The following DNASE1 variants were observed in gnomAD, a reference collection of about 807,000 sequenced individuals.
DNASE1 encodes the protein deoxyribonuclease 1.
Under a neutral mutation model 33.9 loss-of-function variants are expected in DNASE1, and 40 were observed. That is an observed-to-expected ratio of 1.18 (90% confidence interval 0.92 to 1.54). The LOEUF (loss-of-function observed/expected upper bound fraction) is 1.54. Among genes scored for constraint, DNASE1 ranks in the 40% most tolerant of loss-of-function variants. The pLI, the probability that DNASE1 is intolerant of heterozygous loss-of-function variation, is 0.00. For missense variants in DNASE1, 518 were observed against 372.6 expected, an observed-to-expected ratio of 1.39 and a Z score of -3.21; for synonymous variants, 216 against 160.0, an observed-to-expected ratio of 1.35 and a Z score of -2.64.
At chr16:3,634,512 G>A (rs1003460607) in intron 1 of DNASE1, among the ~76,000 whole-genome samples, 1 of 152,068 alleles carries the variant, frequency 6.6e-6, no homozygotes, top group East Asian at 1.9e-4. Flanking sequence ...ACAGGCATGA[G>A]CCACTGTGCC....
At chr16:3,640,500 T>G (rs1208697182), upstream of DNASE1, among the ~76,000 whole-genome samples, 1 of 152,246 alleles carries the variant, frequency 6.6e-6, no homozygotes, top group African/African-American at 2.4e-5. Flanking sequence ...TCCCTTATCT[T>G]GGAATCACTG....
At chr16:3,661,721 G>A (rs563760477), downstream of DNASE1, 7 of 391,764 alleles carry the variant, frequency 1.8e-5, no homozygotes, top group South Asian at 7.4e-4. Flanking sequence ...GACACGCACA[G>A]GTGGCAAAGC....
chr16:3,655,268 C>A, intron 1 of DNASE1, 105 bp from the exon 2 acceptor site: 1 of 1,526,256 alleles, frequency 6.6e-7, no homozygotes, highest in Non-Finnish European at 8.9e-7. Flanking sequence ...TCCCCCTGAC[C>A]TTGAGCTCCA....
upstream of DNASE1, chr16:3,654,617 A>C (rs2042476243): frequency 1.0e-5 from 4 of 398,524 alleles, no homozygotes; most frequent in Non-Finnish European, 1.8e-5. Flanking sequence ...CCACACGTGC[A>C]AGGGACACGG....
intron 1 of DNASE1, among the ~76,000 whole-genome samples, chr16:3,631,559 C>G (rs951677431): frequency 6.6e-6 from 1 of 151,426 alleles, no homozygotes; most frequent in East Asian, 2.0e-4. Context: ...GAGTCTCGCT[C>G]TGTTGCCCAG....
At chr16:3,665,236 C>G (rs1337739873) in exon 10 of DNASE1, 3 of 152,230 alleles carry the variant, frequency 2.0e-5, no homozygotes, top group Admixed American at 2.0e-4. Context: ...AACCAGAACA[C>G]GGCCTCCTTG....
At chr16:3,654,128 A>C (rs935515514), upstream of DNASE1, 1 of 363,180 alleles carries the variant, frequency 2.8e-6, no homozygotes, top group Non-Finnish European at 4.9e-6. Context: ...ATAAAAACCC[A>C]AAACAAAAGA....
At chr16:3,622,770 A>C (rs1159064929) in intron 1 of DNASE1, among the ~76,000 whole-genome samples, 1 of 152,092 alleles carries the variant, frequency 6.6e-6, no homozygotes, top group Non-Finnish European at 1.5e-5. Flanking sequence ...ACTTTTAATA[A>C]AATTTTTTCC....
chr16:3,656,713 C>A lies in DNASE1; in HGVS notation c.396C>A (p.Asn132Lys). Residue 132 changes from asparagine to lysine, a missense_variant, in exon 5 of 9, where the codon AAC (asparagine) becomes AAA (lysine). Coordinates refer to ENST00000246949, the MANE Select transcript of DNASE1 (RefSeq NM_005223.4). Reference protein sequence around the residue: ...GCEPCGNDTFNREPAIVRFFS... With the variant: ...GCEPCGNDTFKREPAIVRFFS... ...AGCCCTGCGGGAACGACACCTTCAA[C>A]CGAGAGCCAGCCATTGTCAGGTTCT... 1 of 1,612,834 alleles carries A rather than the reference C, an allele frequency of 6.2e-7. No individual in the cohort carries two copies. The highest frequency in any genetic ancestry group is 2.2e-5 in the East Asian group (1 of 44,798).
chr16:3,661,977 G>A (rs536078728), downstream of DNASE1: 26 of 1,594,594 alleles, frequency 1.6e-5, no homozygotes, highest in South Asian at 8.9e-5. Flanking sequence ...AGCCAGGAGC[G>A]TGGCCTCACC....
At chr16:3,619,977 A>G (rs1236306019) in intron 1 of DNASE1, among the ~76,000 whole-genome samples, 5 of 145,272 alleles carry the variant, frequency 3.4e-5, no homozygotes, top group African/African-American at 1.3e-4. Context: ...GTGCAGTGGC[A>G]TAATCTCGCC....
upstream of DNASE1, among the ~76,000 whole-genome samples, chr16:3,639,891 G>A (rs955235025): frequency 6.6e-6 from 1 of 152,114 alleles, no homozygotes; most frequent in Non-Finnish European, 1.5e-5. Flanking sequence ...GTGAGACCCT[G>A]TCTCTGCAAA....
chr16:3,656,938 G>C (rs764532848), intron 5 of DNASE1, 61 bp from the exon 6 acceptor site: 2 of 1,588,174 alleles, frequency 1.3e-6, no homozygotes, highest in Admixed American at 3.6e-5. Context: ...AGTTCCAGCT[G>C]ACATGGTGAC....
Position 3,658,088 on chromosome 16 carries a change from G to A in DNASE1, c.*135G>A, listed in dbSNP as rs746683533. On this transcript the variant is annotated 3_prime_UTR_variant, in exon 9 of 9. Transcript: ENST00000246949. The stretch of plus-strand genomic sequence containing the variant: ...AGGTAAATAAAGCTCAAGGAGGTGG[G>A]GCTGTCATCTGTGGTGTCAGTCCTT... 4 of 1,610,522 alleles carry A rather than the reference G, an allele frequency of 2.5e-6. No homozygotes were observed. The highest frequency in any genetic ancestry group is 1.1e-5 in the South Asian group (1 of 90,876).
chr16:3,640,180 G>GT (rs1269449737), upstream of DNASE1, among the ~76,000 whole-genome samples: 2 of 152,216 alleles, frequency 1.3e-5, no homozygotes, highest in Non-Finnish European at 2.9e-5. Context: ...TCTGGGGATT[G>GT]TTTTGTTTGC....
chr16:3,628,058 A>G (rs997943179), intron 1 of DNASE1, among the ~76,000 whole-genome samples: 9 of 151,942 alleles, frequency 5.9e-5, no homozygotes, highest in African/African-American at 2.2e-4. Context: ...TCTTAACAAT[A>G]TCGTCCAACC....
At chr16:3,623,129 T>C (rs973479872) in intron 1 of DNASE1, among the ~76,000 whole-genome samples, 1 of 152,186 alleles carries the variant, frequency 6.6e-6, no homozygotes, top group Non-Finnish European at 1.5e-5. Context: ...GCATGGTACT[T>C]GTACATATTT....
At chr16:3,662,708 G>A (rs377509192), downstream of DNASE1, 171 of 707,536 alleles carry the variant, frequency 2.4e-4, 2 homozygotes, top group African/African-American at 1.1e-3. Context: ...CTGCCTCAGC[G>A]GCACTCCCGA....
intron 1 of DNASE1, among the ~76,000 whole-genome samples, chr16:3,629,436 A>T (rs186924467): frequency 6.6e-6 from 1 of 152,124 alleles, no homozygotes; most frequent in Non-Finnish European, 1.5e-5. Context: ...AGTAAATCCC[A>T]CTTGTTTGTG....
Sources: gnomAD v4.1 joint callset for allele counts (sites outside exome capture counted in the v4.1 genomes callset) on GRCh38, gnomAD v4.1.1 for gene constraint, MANE v1.5 for transcripts, NCBI Gene and HGNC (gene_info 2026-07-23, HGNC 2026-07-21) for gene names.